The following RBFOX3 variants were observed in gnomAD, a reference collection of about 807,000 sequenced individuals.
RBFOX3 encodes RNA binding protein fox-1 homolog 3.
Under a neutral mutation model 48.7 loss-of-function variants are expected in RBFOX3, and 17 were observed. The ratio of observed to expected loss-of-function variants is 0.35; its 90% CI spans 0.24 to 0.52. The LOEUF (loss-of-function observed/expected upper bound fraction) is 0.52. Among genes scored for constraint, RBFOX3 ranks in the 20% least tolerant of loss-of-function variants. RBFOX3 has a pLI of 0.94. For synonymous variants in RBFOX3, 212 were observed against 209.5 expected (o/e 1.01, Z -0.10); for missense variants, 382 against 497.5 (o/e 0.77, Z 2.21).
At chr17:79,412,705 GTGTA>G (rs1460804999) in intron 2 of RBFOX3, among the ~76,000 whole-genome samples, 2 of 151,904 alleles carry the variant, frequency 1.3e-5, no homozygotes, top group Admixed American at 6.6e-5. Context: ...ATGCACATAT[GTGTA>G]TGTGTGAGGG....
At chr17:79,297,080 C>T (rs35561838) in intron 3 of RBFOX3, among the ~76,000 whole-genome samples, 82,700 of 150,768 alleles carry the variant, frequency 0.55, 22,904 homozygotes, top group Middle Eastern at 0.68. Context: ...GCTCTGTGTG[C>T]GTTCATTTTC....
At chr17:79,094,760 GCTGACCCTGA>G (rs1418098426) in intron 13 of RBFOX3, among the ~76,000 whole-genome samples, 22 of 147,070 alleles carry the variant, frequency 1.5e-4, no homozygotes, top group African/African-American at 4.5e-4. Context: ...CCCACAGTGT[GCTGACCCTGA>G]CGGGGTGGGG....
At chr17:79,409,857 C>A (rs2064048816) in intron 2 of RBFOX3, among the ~76,000 whole-genome samples, 1 of 152,204 alleles carries the variant, frequency 6.6e-6, no homozygotes, top group Admixed American at 6.5e-5. Context: ...GAGACACCCC[C>A]CCATCCACCC....
intron 3 of RBFOX3, among the ~76,000 whole-genome samples, chr17:79,268,646 C>G (rs1422429040): frequency 6.6e-6 from 1 of 152,202 alleles, no homozygotes; most frequent in Admixed American, 6.5e-5. Context: ...CAGGAAAAGC[C>G]ACACTCATGC....
At position 79,199,383 on chromosome 17, in the gene RBFOX3, A is replaced by G. The variant is rs2056355777; in HGVS notation, c.-34+36383T>C. 2.0e-5 allele frequency among the ~76,000 whole-genome samples: 3 copies of G among 152,078 alleles called. No homozygotes were observed. On this transcript the variant is annotated intron_variant, in intron 4 of 14. Transcript: ENST00000693108. The surrounding 1 kb of genome is among the most constrained non-coding windows in gnomAD (Gnocchi z 5.1). ...CAGACTCAGAGGAGGGAGCATTCCCAGGAGCCTCCAACCCTCTGCCCACCG... is the reference window on the plus strand; with the variant it reads ...CAGACTCAGAGGAGGGAGCATTCCCGGGAGCCTCCAACCCTCTGCCCACCG...
intron 2 of RBFOX3, among the ~76,000 whole-genome samples, chr17:79,333,982 A>C (rs1377376080): frequency 1.3e-5 from 2 of 149,220 alleles, no homozygotes; most frequent in East Asian, 2.0e-4. Context: ...CCATGTCCCC[A>C]CCCCTCCCTT....
chr17:79,659,122 C>A, the RBFOX3 span, among the ~76,000 whole-genome samples: 7 of 152,112 alleles, frequency 4.6e-5, no homozygotes, highest in African/African-American at 1.7e-4. Flanking sequence ...CGCACAGGAA[C>A]AGGGAGTGTG....
In RBFOX3 at chr17:79,111,867, C is replaced by T. The variant is rs1192269740; in HGVS notation, c.222+3627G>A. On this transcript the variant is annotated intron_variant, in intron 5 of 14. Coordinates refer to ENST00000693108, the MANE Select transcript of RBFOX3 (RefSeq NM_001350451.2). The surrounding 1 kb of genome is among the most constrained non-coding windows in gnomAD (Gnocchi z 4.2). ...TGGGGAACACAGACCCTGGGGGTGGCTCAAGGTAGTGAGATGGGGTCCCCC... is the reference window on the plus strand; with the variant it reads ...TGGGGAACACAGACCCTGGGGGTGGTTCAAGGTAGTGAGATGGGGTCCCCC... Among the ~76,000 whole-genome samples, 1 of 152,210 alleles carries T rather than the reference C, an allele frequency of 6.6e-6. No homozygotes were observed. The highest frequency in any genetic ancestry group is 2.4e-5 in the African/African-American group (1 of 41,458).
chr17:79,547,834 G>T lies in RBFOX3; in HGVS notation c.-320+62992C>A, dbSNP rs570682914. Among the ~76,000 whole-genome samples, 28 of 142,482 alleles carry T rather than the reference G, an allele frequency of 2.0e-4. 1 individual carries two copies. Among genetic ancestry groups the T allele is most frequent in the Admixed American group, 1.8e-3 (28 of 15,180 alleles). 93.5% of individuals were successfully genotyped at this position (142,482 alleles called of 152,430 possible). A position where few individuals can be genotyped will look rare whatever the true frequency, so the allele number is the denominator to read the frequency against. ...TGGGTTGGGTACCTGGGCTGTACTC[G>T]CACCCACACCGATTCACAGCCTTAG... On this transcript the variant is annotated intron_variant, in intron 1 of 14. Coordinates refer to ENST00000693108, the MANE Select transcript of RBFOX3 (RefSeq NM_001350451.2).
chr17:79,626,648 G>A, the RBFOX3 span, among the ~76,000 whole-genome samples: 2 of 152,316 alleles, frequency 1.3e-5, no homozygotes, highest in South Asian at 2.1e-4. Context: ...CTCTCCCACC[G>A]ATGGGATATA....
At chr17:79,435,236 G>A (rs1555730449) in intron 2 of RBFOX3, among the ~76,000 whole-genome samples, 1 of 152,196 alleles carries the variant, frequency 6.6e-6, no homozygotes, top group African/African-American at 2.4e-5. Context: ...TCTCAGTTTG[G>A]AGTCTCTGTC....
At chr17:79,315,379 A>G (rs886969017) in intron 2 of RBFOX3, among the ~76,000 whole-genome samples, 2 of 152,138 alleles carry the variant, frequency 1.3e-5, no homozygotes, top group African/African-American at 4.8e-5. Context: ...GAGGCCAGAA[A>G]GTGCTGGATG....
rs536997228 is a variant in RBFOX3, at chr17:79,128,760, G to A, written c.-33-13012C>T. Among the ~76,000 whole-genome samples the A allele has an allele frequency of 2.6e-5, 4 of 152,346 alleles. No individual in the cohort carries two copies. In the South Asian group the frequency reaches 8.3e-4, roughly 32 times the overall value. On this transcript the variant is annotated intron_variant, in intron 4 of 14. Coordinates refer to ENST00000693108, the MANE Select transcript of RBFOX3 (RefSeq NM_001350451.2). ...CTGTGCCAGGACGGGCAGCTCAGGAGACCTCTCACTCCAGGGCAATCTCAT... is the reference window on the plus strand; with the variant it reads ...CTGTGCCAGGACGGGCAGCTCAGGAAACCTCTCACTCCAGGGCAATCTCAT...
intron 4 of RBFOX3, among the ~76,000 whole-genome samples, chr17:79,206,097 G>A (rs757789233): frequency 2.6e-5 from 4 of 152,268 alleles, no homozygotes; most frequent in Non-Finnish European, 4.4e-5. Flanking sequence ...AGGGTGCGAG[G>A]TAAAGCCTAG....
intron 4 of RBFOX3, among the ~76,000 whole-genome samples, chr17:79,122,329 G>A (rs1366711337): frequency 6.6e-6 from 1 of 152,102 alleles, no homozygotes; most frequent in African/African-American, 2.4e-5. Context: ...CCCCCACCAG[G>A]GTCCTGCACG....
intron 2 of RBFOX3, among the ~76,000 whole-genome samples, chr17:79,449,403 C>A (rs191005446): frequency 6.6e-6 from 1 of 152,190 alleles, no homozygotes; most frequent in East Asian, 1.9e-4. Context: ...GTCCCCCTCT[C>A]AACCTGCCTC....
At chr17:79,146,134 G>A (rs977822251) in intron 4 of RBFOX3, among the ~76,000 whole-genome samples, 2 of 152,152 alleles carry the variant, frequency 1.3e-5, no homozygotes, top group Non-Finnish European at 2.9e-5. Flanking sequence ...TATGAATACA[G>A]ACGAAGCTTC....
At chr17:79,594,907 G>A (rs1046745318) in intron 1 of RBFOX3, among the ~76,000 whole-genome samples, 2,015 of 152,180 alleles carry the variant, frequency 0.013, 28 homozygotes, top group African/African-American at 0.033. Flanking sequence ...GAGTTTTCAC[G>A]TGTGGTTCCT....
chr17:79,094,442 G>T lies in RBFOX3; in HGVS notation c.1077+9C>A, dbSNP rs1451910541. The T allele has an allele frequency of 3.3e-6, 5 of 1,497,110 alleles. No individual in the cohort carries two copies. Among genetic ancestry groups the T allele is most frequent in the Admixed American group, 2.4e-5 (1 of 42,428 alleles). The allele number at this position is 1,497,110 out of a possible 1,614,324, so 92.7% of individuals were successfully genotyped here. A position where few individuals can be genotyped will look rare whatever the true frequency, so the allele number is the denominator to read the frequency against. On this transcript the variant is annotated intron_variant, in intron 14 of 14. Transcript: ENST00000693108. ...GGCACCCAGGGCTGGGCGGGCCTGG[G>T]CTCCTTACCATGGTTCCAATGCTGT...
Sources: gnomAD v4.1 joint callset for allele counts (sites outside exome capture counted in the v4.1 genomes callset) on GRCh38, gnomAD v4.1.1 for gene constraint, Gnocchi (gnomAD v3.1) non-coding constraint, MANE v1.5 for transcripts, NCBI Gene and HGNC (gene_info 2026-07-23, HGNC 2026-07-21) for gene names.